Variants in LRRC4C observed in about 807,000 individuals in gnomAD.
The protein encoded by LRRC4C is leucine-rich repeat-containing protein 4C.
LRRC4C carries 5 observed loss-of-function variants against 33.6 expected under a neutral mutation model. That is an observed-to-expected ratio of 0.15 (90% CI 0.08 to 0.31). The LOEUF (loss-of-function observed/expected upper bound fraction) is 0.31. Among genes scored for constraint, LRRC4C ranks in the 10% least tolerant of loss-of-function variants. The pLI is 1.00. For synonymous variants in LRRC4C, 329 were observed against 302.0 expected (o/e 1.09, Z -0.93); for missense variants, 560 against 796.7 (o/e 0.70, Z 3.58).
intron 2 of LRRC4C, among the ~76,000 whole-genome samples, chr11:40,897,655 CAGA>C (rs1224516877): frequency 6.6e-6 from 1 of 152,170 alleles, no homozygotes; most frequent in Non-Finnish European, 1.5e-5. Flanking sequence ...CATGGGATGA[CAGA>C]AGAAGGAACA....
intron 1 of LRRC4C, among the ~76,000 whole-genome samples, chr11:41,231,782 T>A (rs115842096): frequency 0.039 from 5,925 of 151,784 alleles, 387 homozygotes; most frequent in African/African-American, 0.13. Context: ...TGTGTGTGTG[T>A]GTATATATAT....
At chr11:40,855,964 T>A (rs529121760) in intron 2 of LRRC4C, among the ~76,000 whole-genome samples, 1 of 151,974 alleles carries the variant, frequency 6.6e-6, no homozygotes, top group Non-Finnish European at 1.5e-5. Context: ...ATTTACTTCA[T>A]ATATTTTTTC....
chr11:41,082,912 C>T (rs1939686707), intron 1 of LRRC4C, among the ~76,000 whole-genome samples: 1 of 152,028 alleles, frequency 6.6e-6, no homozygotes, highest in Admixed American at 6.6e-5. Flanking sequence ...TATGTTTGAA[C>T]AAAAGATAAA....
At chr11:41,231,702 C>T (rs1023600919) in intron 1 of LRRC4C, among the ~76,000 whole-genome samples, 19 of 151,662 alleles carry the variant, frequency 1.3e-4, no homozygotes, top group East Asian at 3.9e-4. Context: ...CAACATGGCA[C>T]GTGTATACAT....
rs532230320 is a variant in LRRC4C, at chr11:40,251,087, T to C, written c.-175-9489A>G. 3.9e-5 allele frequency among the ~76,000 whole-genome samples: 6 copies of C among 152,246 alleles called. No individual in the cohort carries two copies. In the South Asian group the frequency reaches 1.2e-3, roughly 32 times the overall value. ...AGTAGTACATTTTGCAAGAAACAAA[T>C]GCATAAACAAGACCAGACCTTCCTA... On this transcript the variant is annotated intron_variant, in intron 4 of 6. Coordinates refer to ENST00000528697, the MANE Select transcript of LRRC4C (RefSeq NM_001258419.2).
In LRRC4C at chr11:40,920,802, G is replaced by A. The variant is rs571140425; in HGVS notation, c.-407+12833C>T. Among the ~76,000 whole-genome samples, 11 of 152,036 alleles carry A rather than the reference G, an allele frequency of 7.2e-5. No individual in the cohort carries two copies. The South Asian group carries it at 1.7e-3, about 23-fold the overall frequency. The stretch of plus-strand genomic sequence containing the variant: ...ACCTGTGAGCATGTTACCTTGAATC[G>A]TTACATTCTAGACCATGTGACTATA... On this transcript the variant is annotated intron_variant, in intron 2 of 6. Coordinates refer to ENST00000528697, the MANE Select transcript of LRRC4C (RefSeq NM_001258419.2).
At position 40,479,552 on chromosome 11, in the gene LRRC4C, G is replaced by A. The variant is rs369675407; in HGVS notation, c.-269-159831C>T. Among the ~76,000 whole-genome samples the A allele has an allele frequency of 2.0e-5, 3 of 152,258 alleles. No individual in the cohort carries two copies. In the East Asian group the frequency reaches 5.8e-4, roughly 29 times the overall value. On this transcript the variant is annotated intron_variant, in intron 3 of 6. Coordinates refer to ENST00000528697, the MANE Select transcript of LRRC4C (RefSeq NM_001258419.2). ...GTATATATGTGTCAGGGAAGAACTG[G>A]ATCAAATTCATCCATGATAAAATGA...
chr11:41,408,138 T>A (rs1954312137), intron 1 of LRRC4C, among the ~76,000 whole-genome samples: 1 of 152,176 alleles, frequency 6.6e-6, no homozygotes, highest in African/African-American at 2.4e-5. Context: ...ACAAGATGTG[T>A]ACAGGGTGAA....
chr11:40,879,511 A>T (rs1036076733), intron 2 of LRRC4C, among the ~76,000 whole-genome samples: 16 of 152,206 alleles, frequency 1.1e-4, no homozygotes, highest in African/African-American at 3.9e-4. Flanking sequence ...ACAGAGGGGA[A>T]GTCTGAAACT....
chr11:41,277,994 G>A (rs1476246872), intron 1 of LRRC4C, among the ~76,000 whole-genome samples: 1 of 152,044 alleles, frequency 6.6e-6, no homozygotes, highest in Non-Finnish European at 1.5e-5. Context: ...TGATCTCATA[G>A]CAGTAGAGAG....
At chr11:40,589,096 T>G (rs569514141) in intron 3 of LRRC4C, among the ~76,000 whole-genome samples, 1 of 152,254 alleles carries the variant, frequency 6.6e-6, no homozygotes, top group East Asian at 1.9e-4. Flanking sequence ...CTCCCATTAT[T>G]AATGTGCGGG....
chr11:40,748,565 A>G (rs936485398), intron 2 of LRRC4C, among the ~76,000 whole-genome samples: 1 of 152,150 alleles, frequency 6.6e-6, no homozygotes, highest in Non-Finnish European at 1.5e-5. Context: ...ATGATAAGAT[A>G]AAAAGAAAGG....
At chr11:41,421,801 C>A (rs1294737102) in intron 1 of LRRC4C, among the ~76,000 whole-genome samples, 1 of 151,932 alleles carries the variant, frequency 6.6e-6, no homozygotes, top group Non-Finnish European at 1.5e-5. Flanking sequence ...GTGGAATCAG[C>A]ATCATTGTCG....
At chr11:41,365,012 G>C (rs1250932031) in intron 1 of LRRC4C, among the ~76,000 whole-genome samples, 1 of 152,102 alleles carries the variant, frequency 6.6e-6, no homozygotes, top group African/African-American at 2.4e-5. Flanking sequence ...GTATTGACTA[G>C]TGCAGGGGTC....
At chr11:41,422,390 T>C (rs1376241196) in intron 1 of LRRC4C, among the ~76,000 whole-genome samples, 1 of 152,052 alleles carries the variant, frequency 6.6e-6, no homozygotes, top group Non-Finnish European at 1.5e-5. Context: ...GATCTGCCAG[T>C]GGCAGGTCTA....
chr11:41,309,183 G>C (rs1241783715), intron 1 of LRRC4C, among the ~76,000 whole-genome samples: 1 of 152,176 alleles, frequency 6.6e-6, no homozygotes, highest in Non-Finnish European at 1.5e-5. Flanking sequence ...TTGCTGAGTA[G>C]CAGTGGAAGA....
intron 3 of LRRC4C, among the ~76,000 whole-genome samples, chr11:40,370,020 A>G (rs912790850): frequency 7.2e-5 from 11 of 152,184 alleles, no homozygotes; most frequent in Non-Finnish European, 1.5e-4. Flanking sequence ...AAATTATTTT[A>G]AAGTAAAATG....
intron 1 of LRRC4C, among the ~76,000 whole-genome samples, chr11:41,370,874 T>C (rs892693754): frequency 6.6e-6 from 1 of 152,102 alleles, no homozygotes; most frequent in Non-Finnish European, 1.5e-5. Flanking sequence ...CACAAATACA[T>C]TTTATGTGGG....
intron 6 of LRRC4C, among the ~76,000 whole-genome samples, chr11:40,124,815 GT>G (rs1227137642): frequency 6.6e-6 from 1 of 152,126 alleles, no homozygotes; most frequent in Non-Finnish European, 1.5e-5. Context: ...TAGTAAAATT[GT>G]TGTAACACAA....
Sources: allele counts gnomAD v4.1 joint callset (sites outside exome capture counted in the v4.1 genomes callset), GRCh38; gene constraint gnomAD v4.1.1; transcripts MANE v1.5; gene names NCBI Gene and HGNC (gene_info 2026-07-23, HGNC 2026-07-21).